Variants in FAM227B observed in about 807,000 individuals in gnomAD.
FAM227B encodes the protein family with sequence similarity 227 member B, also known as protein FAM227B.
A neutral mutation model predicts 73.8 loss-of-function variants in FAM227B; 88 were observed. That is an observed-to-expected ratio of 1.19 (90% CI 1.00 to 1.42). FAM227B has a LOEUF of 1.42. Ranked by LOEUF, FAM227B falls within the 40% of genes most tolerant of loss-of-function variation. The probability of loss-of-function intolerance (pLI) is 0.00; values close to 1 mark genes in which losing one functional copy is unlikely to be tolerated. For synonymous variants in FAM227B, 210 were observed against 190.5 expected, an observed-to-expected ratio of 1.10 and a Z score of -0.84; for missense variants, 632 against 590.9, an observed-to-expected ratio of 1.07 and a Z score of -0.72.
intron 11 of FAM227B, among the ~76,000 whole-genome samples, chr15:49,494,132 A>G (rs982331852): frequency 2.6e-5 from 4 of 151,992 alleles, no homozygotes; most frequent in East Asian, 1.9e-4. Flanking sequence ...GAGCACATGT[A>G]TAAGTTACCA....
At chr15:49,420,927 C>T (rs1226898869) in intron 11 of FAM227B, among the ~76,000 whole-genome samples, 3 of 152,010 alleles carry the variant, frequency 2.0e-5, no homozygotes, top group African/African-American at 4.8e-5. Context: ...AGGATGGTCT[C>T]GATCTCCTGA....
intron 13 of FAM227B, among the ~76,000 whole-genome samples, chr15:49,349,741 G>C (rs2041988955): frequency 1.3e-5 from 2 of 152,188 alleles, no homozygotes; most frequent in African/African-American, 4.8e-5. Context: ...GACCTCTACT[G>C]ACTTCTGGGC....
chr15:49,489,907 GAGAGAGAC>G (rs1567384065), intron 11 of FAM227B, among the ~76,000 whole-genome samples: 5 of 27,206 alleles, frequency 1.8e-4, no homozygotes, highest in Non-Finnish European at 3.3e-4. Flanking sequence ...GAGAGAGAGA[GAGAGAGAC>G]AGAGAGAGAG....
At chr15:49,502,175 GC>G (rs2058192369) in intron 11 of FAM227B, among the ~76,000 whole-genome samples, 1 of 152,170 alleles carries the variant, frequency 6.6e-6, no homozygotes, top group Admixed American at 6.5e-5. Flanking sequence ...TAGGATAAGA[GC>G]CCCCACACAG....
chr15:49,523,216 A>C (rs1026012027), intron 10 of FAM227B, among the ~76,000 whole-genome samples: 2 of 152,182 alleles, frequency 1.3e-5, no homozygotes, highest in Non-Finnish European at 2.9e-5. Context: ...GCCAGCTGAT[A>C]TGGTTTGGCT....
chr15:49,479,816 AT>A (rs2055757005), intron 11 of FAM227B, among the ~76,000 whole-genome samples: 1 of 151,602 alleles, frequency 6.6e-6, no homozygotes, highest in Admixed American at 6.6e-5. Context: ...GTTTCACCAT[AT>A]TTGCCAGGCT....
intron 10 of FAM227B, among the ~76,000 whole-genome samples, chr15:49,540,376 T>C (rs1219318294): frequency 1.3e-5 from 2 of 152,174 alleles, no homozygotes; most frequent in Non-Finnish European, 2.9e-5. Flanking sequence ...CATATGCCAA[T>C]CTCCCCAGAA....
intron 11 of FAM227B, among the ~76,000 whole-genome samples, chr15:49,507,601 T>G (rs1039233524): frequency 3.3e-5 from 5 of 152,084 alleles, no homozygotes; most frequent in African/African-American, 1.2e-4. Context: ...GTAGAGTAAC[T>G]GAGGACTTTG....
chr15:49,473,037 G>C (rs1188109154), intron 11 of FAM227B, among the ~76,000 whole-genome samples: 2 of 152,120 alleles, frequency 1.3e-5, no homozygotes, highest in Non-Finnish European at 2.9e-5. Flanking sequence ...GACCACTCAT[G>C]TTTCCAAAGG....
chr15:49,603,155 G>C (rs1487632079), intron 3 of FAM227B, among the ~76,000 whole-genome samples: 1 of 152,072 alleles, frequency 6.6e-6, no homozygotes, highest in African/African-American at 2.4e-5. Context: ...TAAATTTTAG[G>C]ATTTTCTTTT....
intron 13 of FAM227B, among the ~76,000 whole-genome samples, chr15:49,352,919 T>G (rs1328999510): frequency 6.6e-6 from 1 of 152,198 alleles, no homozygotes; most frequent in Non-Finnish European, 1.5e-5. Flanking sequence ...GTTACACTGG[T>G]GTTCTGTCTT....
intron 11 of FAM227B, among the ~76,000 whole-genome samples, chr15:49,496,870 T>A (rs2044820840): frequency 6.6e-6 from 1 of 152,148 alleles, no homozygotes; most frequent in Non-Finnish European, 1.5e-5. Flanking sequence ...ACCCTAGTTC[T>A]GCTCTTTATC....
intron 5 of FAM227B, among the ~76,000 whole-genome samples, chr15:49,580,113 T>C (rs2075717395): frequency 6.6e-6 from 1 of 152,338 alleles, no homozygotes; most frequent in East Asian, 1.9e-4. Context: ...TTCTGATTGA[T>C]AAATCCAATA....
intron 11 of FAM227B, among the ~76,000 whole-genome samples, chr15:49,479,599 GTTTTTTTTT>G (rs56097665): frequency 1.6e-4 from 10 of 63,322 alleles, no homozygotes; most frequent in South Asian, 7.1e-4. Flanking sequence ...TAATACCTCT[GTTTTTTTTT>G]TTTTTTTTTT....
At chr15:49,495,371 T>C (rs2057506990) in intron 11 of FAM227B, among the ~76,000 whole-genome samples, 1 of 152,236 alleles carries the variant, frequency 6.6e-6, no homozygotes, top group Non-Finnish European at 1.5e-5. Flanking sequence ...GTTAAATTTC[T>C]ACCAAATTTC....
intron 13 of FAM227B, chr15:49,366,275 A>C: frequency 1.3e-6 from 1 of 787,028 alleles, no homozygotes; most frequent in Non-Finnish European, 2.4e-6. Flanking sequence ...TATAAATGCA[A>C]TCAGTATTTT....
intron 11 of FAM227B, among the ~76,000 whole-genome samples, chr15:49,505,036 A>G (rs146679193): frequency 6.6e-6 from 1 of 152,360 alleles, no homozygotes; most frequent in East Asian, 1.9e-4. Context: ...AAATCATATT[A>G]TATTCCTACT....
At chr15:49,382,173 T>C (rs1043686269) in intron 11 of FAM227B, among the ~76,000 whole-genome samples, 10 of 152,042 alleles carry the variant, frequency 6.6e-5, no homozygotes, top group African/African-American at 2.4e-4. Context: ...TTAGTATAGG[T>C]ACAATATGCA....
chr15:49,615,046 G>A (rs960911164), intron 2 of FAM227B, 75 bp downstream of exon 2: 2 of 1,350,470 alleles, frequency 1.5e-6, no homozygotes, highest in African/African-American at 1.4e-5. Flanking sequence ...CTCTACCTGG[G>A]AGCCCTGATT....
Sources: allele counts gnomAD v4.1 joint callset (sites outside exome capture counted in the v4.1 genomes callset), GRCh38; gene constraint gnomAD v4.1.1; transcripts MANE v1.5; gene names NCBI Gene and HGNC (gene_info 2026-07-23, HGNC 2026-07-21).